Variants in JARID2 observed in about 807,000 individuals in gnomAD.
JARID2 encodes protein Jumonji.
JARID2 carries 21 observed loss-of-function variants against 125.6 expected under a neutral mutation model. That is an observed-to-expected ratio of 0.17 (90% CI 0.12 to 0.24). The LOEUF (loss-of-function observed/expected upper bound fraction) is 0.24, where lower values mean the gene tolerates loss of function less well. JARID2 is among the 10% of genes least tolerant of loss of function. JARID2 has a pLI of 1.00. For missense variants in JARID2, 1,303 were observed against 1,639.6 expected (o/e 0.79, Z 3.55); for synonymous variants, 736 against 661.6 (o/e 1.11, Z -1.73).
At chr6:15,415,666 C>T (rs1415240963) in intron 3 of JARID2, among the ~76,000 whole-genome samples, 7 of 148,188 alleles carry the variant, frequency 4.7e-5, no homozygotes, top group South Asian at 2.1e-4. Context: ...ACCTCCCTCC[C>T]GGACGGGGTG....
chr6:15,387,531 C>T (rs939190371), intron 2 of JARID2, among the ~76,000 whole-genome samples: 1 of 152,070 alleles, frequency 6.6e-6, no homozygotes, highest in South Asian at 2.1e-4. Flanking sequence ...CCTTATTTAC[C>T]CTCGATCACC....
intron 1 of JARID2, among the ~76,000 whole-genome samples, chr6:15,287,212 T>G (rs899429342): frequency 6.6e-5 from 10 of 152,192 alleles, no homozygotes; most frequent in African/African-American, 2.4e-4. Context: ...CATAGGTTCT[T>G]TTTCCTAAAA....
At chr6:15,287,685 TTGTC>T (rs552948680) in intron 1 of JARID2, among the ~76,000 whole-genome samples, 257 of 152,320 alleles carry the variant, frequency 1.7e-3, no homozygotes, top group African/African-American at 6.0e-3. Flanking sequence ...GTTGCTGCCT[TTGTC>T]TGGAGCTATC....
Position 15,521,126 on chromosome 6 carries a change from T to A in JARID2, c.*875T>A, listed in dbSNP as rs1409339261. The A allele has an allele frequency of 4.7e-5, 8 of 169,778 alleles. No homozygotes were observed. The East Asian group carries it at 8.7e-4, about 19-fold the overall frequency. 10.5% of individuals were successfully genotyped at this position (169,778 alleles called of 1,614,324 possible). A position where few individuals can be genotyped will look rare whatever the true frequency, so the allele number is the denominator to read the frequency against. ...AGTGATGGAAGCCGTAAGTGCTTCT[T>A]TGTCATCGACGTGCAATCTTTCTAA... On this transcript the variant is annotated 3_prime_UTR_variant, in exon 18 of 18. Transcript: ENST00000341776.
chr6:15,266,732 T>TTG (rs1554117082), intron 1 of JARID2, among the ~76,000 whole-genome samples: 1 of 152,224 alleles, frequency 6.6e-6, no homozygotes, highest in Non-Finnish European at 1.5e-5. Flanking sequence ...AGAAACAGCT[T>TTG]TGTGGACGCA....
intron 9 of JARID2, among the ~76,000 whole-genome samples, chr6:15,505,814 C>A (rs1031809494): frequency 2.0e-5 from 3 of 152,252 alleles, no homozygotes; most frequent in African/African-American, 7.2e-5. Context: ...GAACCGTGGT[C>A]TAGGACACGT....
intron 2 of JARID2, among the ~76,000 whole-genome samples, chr6:15,394,584 G>A (rs1765148630): frequency 6.6e-6 from 1 of 152,166 alleles, no homozygotes; most frequent in Admixed American, 6.5e-5. Context: ...GGGACACAGA[G>A]CAAGACCCTG....
At chr6:15,461,879 T>C (rs1316085622) in intron 4 of JARID2, among the ~76,000 whole-genome samples, 2 of 147,146 alleles carry the variant, frequency 1.4e-5, no homozygotes, top group East Asian at 3.9e-4. Flanking sequence ...TCAGTGATGG[T>C]ATCTTTTTTT....
intron 3 of JARID2, among the ~76,000 whole-genome samples, chr6:15,411,987 G>A (rs1765898606): frequency 1.3e-5 from 2 of 152,224 alleles, no homozygotes; most frequent in African/African-American, 4.8e-5. Context: ...TGGGACCACA[G>A]TGTCATGTGG....
At chr6:15,277,916 G>T (rs900170552) in intron 1 of JARID2, among the ~76,000 whole-genome samples, 1 of 152,002 alleles carries the variant, frequency 6.6e-6, no homozygotes, top group Non-Finnish European at 1.5e-5. Flanking sequence ...CACTGTTGGA[G>T]TATGCTGTAA....
intron 2 of JARID2, among the ~76,000 whole-genome samples, chr6:15,400,453 CGCCCTG>C (rs776123478): frequency 1.0e-4 from 15 of 150,018 alleles, no homozygotes; most frequent in Non-Finnish European, 1.6e-4. Flanking sequence ...ATTGAAACTG[CGCCCTG>C]GAGTCCGCTG....
intron 4 of JARID2, among the ~76,000 whole-genome samples, chr6:15,467,742 A>G (rs1483645426): frequency 6.6e-6 from 1 of 152,114 alleles, no homozygotes; most frequent in Non-Finnish European, 1.5e-5. Flanking sequence ...TGCTTGGCCC[A>G]GTAAAGGGTG....
At chr6:15,388,481 T>G (rs1764872405) in intron 2 of JARID2, among the ~76,000 whole-genome samples, 1 of 151,898 alleles carries the variant, frequency 6.6e-6, no homozygotes, top group South Asian at 2.1e-4. Context: ...CAGATTTAGC[T>G]TCTTCATAAT....
intron 2 of JARID2, among the ~76,000 whole-genome samples, chr6:15,392,409 GC>G (rs972949203): frequency 2.0e-5 from 3 of 152,036 alleles, no homozygotes; most frequent in Non-Finnish European, 2.9e-5. Context: ...TGCTGCATTT[GC>G]CCCCTGAAAA....
chr6:15,255,015 AAAC>A, intron 1 of JARID2, among the ~76,000 whole-genome samples: 1 of 151,662 alleles, frequency 6.6e-6, no homozygotes, highest in South Asian at 2.1e-4. Flanking sequence ...AAAAAAAACA[AAAC>A]AAAAAACAAA....
In JARID2 at chr6:15,257,800, A is replaced by C. The variant is rs186472798; in HGVS notation, c.45+11216A>C. Among the ~76,000 whole-genome samples the C allele has an allele frequency of 3.0e-3, 454 of 152,340 alleles. 1 individual carries two copies. The highest frequency in any genetic ancestry group is 5.1e-3 in the Non-Finnish European group (349 of 68,032). On this transcript the variant is annotated intron_variant, in intron 1 of 17. Coordinates refer to ENST00000341776, the MANE Select transcript of JARID2 (RefSeq NM_004973.4). ...AATACAGGCATTTGTAACAAGTAGT[A>C]AAGATGTCAGTTGAGTTTTATTTAA...
chr6:15,251,838 C>T (rs907522291), intron 1 of JARID2, among the ~76,000 whole-genome samples: 2 of 152,134 alleles, frequency 1.3e-5, no homozygotes, highest in Non-Finnish European at 2.9e-5. Flanking sequence ...ATTACCCGGG[C>T]ATGGTGGCGC....
chr6:15,508,155 T>C (rs1435279749), intron 11 of JARID2, among the ~76,000 whole-genome samples, 185 bp from the exon 12 acceptor site: 1 of 152,238 alleles, frequency 6.6e-6, no homozygotes, highest in East Asian at 1.9e-4. Context: ...GGTGTTCATA[T>C]TCTCCCACTT....
chr6:15,378,054 T>G (rs1482845129), intron 2 of JARID2, among the ~76,000 whole-genome samples: 2 of 151,546 alleles, frequency 1.3e-5, no homozygotes, highest in African/African-American at 4.8e-5. Context: ...CCAGCTAATT[T>G]TTTTGTGTAT....
Sources: allele counts gnomAD v4.1 joint callset (sites outside exome capture counted in the v4.1 genomes callset), GRCh38; gene constraint gnomAD v4.1.1; transcripts MANE v1.5; gene names NCBI Gene and HGNC (gene_info 2026-07-23, HGNC 2026-07-21).